APPL2: variants seen among roughly 807,000 people sequenced by gnomAD.
APPL2 encodes DCC-interacting protein 13-beta.
A neutral mutation model predicts 92.7 loss-of-function variants in APPL2; 84 were observed. That is an observed-to-expected ratio of 0.91 (90% CI 0.76 to 1.09). The LOEUF (loss-of-function observed/expected upper bound fraction) is 1.09, where lower values mean the gene tolerates loss of function less well. APPL2 is among the 50% of genes least tolerant of loss of function. APPL2 has a pLI of 0.00. For synonymous variants in APPL2, 291 were observed against 291.0 expected, an observed-to-expected ratio of 1.00 and a Z score of 0.00; for missense variants, 736 against 824.5, an observed-to-expected ratio of 0.89 and a Z score of 1.31.
chr12:105,197,891 A>G lies in APPL2; in HGVS notation c.926T>C (p.Leu309Pro). 1 of 1,614,088 alleles carries G rather than the reference A, an allele frequency of 6.2e-7. No homozygotes were observed. Among genetic ancestry groups the G allele is most frequent in the Non-Finnish European group, 8.5e-7 (1 of 1,180,004 alleles). ...RLYFFTQGGN[L>P]MCQPRGAVAG... Reference sequence around the variant, plus strand: ...CACGGCTCCCCTGGGCTGACACATGAGATTCCCGCCTTGGGTGAAGAAATA... The same window carrying G: ...CACGGCTCCCCTGGGCTGACACATGGGATTCCCGCCTTGGGTGAAGAAATA... Residue 309 changes from leucine to proline, a missense_variant, in exon 11 of 21, where the codon CTC becomes CCC. By Grantham distance (98) the Leu-to-Pro change is moderately conservative. Coordinates refer to ENST00000258530, the MANE Select transcript of APPL2 (RefSeq NM_018171.5).
chr12:105,235,530 GACA>G (rs1267255055), intron 1 of APPL2, among the ~76,000 whole-genome samples: 2 of 152,196 alleles, frequency 1.3e-5, no homozygotes, highest in African/African-American at 4.8e-5. Context: ...ATTGTCTGCT[GACA>G]ACTTTACAGG....
chr12:105,223,733 T>C (rs1890294384), intron 2 of APPL2, among the ~76,000 whole-genome samples: 2 of 152,338 alleles, frequency 1.3e-5, no homozygotes, highest in South Asian at 4.1e-4. Flanking sequence ...TTAACCCAAA[T>C]AGCAGTGCCA....
Position 105,225,834 on chromosome 12 carries a change from T to C in APPL2, c.153+3291A>G, listed in dbSNP as rs374108082. On this transcript the variant is annotated intron_variant, in intron 2 of 20. Transcript: ENST00000258530. ...CATAGAAGTTTTCCTCTAGTTTTTC[T>C]TGTTCTTCCTCTTTCTAAAACTAAG... Among the ~76,000 whole-genome samples the C allele has an allele frequency of 7.2e-5, 11 of 152,390 alleles. No individual in the cohort carries two copies. The South Asian group carries it at 2.3e-3, about 32-fold the overall frequency.
intron 8 of APPL2, 98 bp downstream of exon 8, chr12:105,206,963 T>A: frequency 1.4e-6 from 2 of 1,447,812 alleles, no homozygotes; most frequent in Admixed American, 4.7e-5. Flanking sequence ...TGCATTTATG[T>A]TTCTTTCTAC....
chr12:105,218,380 T>C (rs1889854458), intron 2 of APPL2, among the ~76,000 whole-genome samples: 1 of 152,222 alleles, frequency 6.6e-6, no homozygotes, highest in South Asian at 2.1e-4. Flanking sequence ...ACAGTCCCTG[T>C]CCTCATGGGG....
intron 11 of APPL2, among the ~76,000 whole-genome samples, chr12:105,196,364 G>A (rs1592782295): frequency 6.6e-6 from 1 of 150,774 alleles, no homozygotes; most frequent in Non-Finnish European, 1.5e-5. Flanking sequence ...AGTCTGCTGC[G>A]TATGGAGGCC....
chr12:105,176,064 A>C lies in APPL2; in HGVS notation c.1831T>G (p.Leu611Val). 1 of 1,591,368 alleles carries C rather than the reference A, an allele frequency of 6.3e-7. No homozygotes were observed. The highest frequency in any genetic ancestry group is 8.5e-7 in the Non-Finnish European group (1 of 1,172,534). The change falls in exon 20 of 21, where the codon TTG (leucine) becomes GTG (valine). Residue 611 changes from leucine (L) to valine (V), a missense_variant. Coordinates refer to ENST00000258530, the MANE Select transcript of APPL2 (RefSeq NM_018171.5). ...TGAACCTCAATAATTTCTTTTCCCA[A>C]ATTAATAGCATAACATATCTGCAAA... ...EGEKICYAIN[L>V]GKEIIEVQKD...
chr12:105,207,392 T>C lies in APPL2; in HGVS notation c.475-185A>G, dbSNP rs190357041. Among the ~76,000 whole-genome samples the C allele has an allele frequency of 2.0e-5, 3 of 152,326 alleles. No homozygotes were observed. In the East Asian group the frequency reaches 5.8e-4, roughly 29 times the overall value. On this transcript the variant is annotated intron_variant, in intron 7 of 20. Transcript: ENST00000258530. ...AATTAAAAATATGCAAGAAACAGCA[T>C]CTCAGTGCTTGTGAGGCCGCGGTGA...
chr12:105,178,941 G>T lies in APPL2; in HGVS notation c.1635-1679C>A, dbSNP rs538296824. On this transcript the variant is annotated intron_variant, in intron 17 of 20. Coordinates refer to ENST00000258530, the MANE Select transcript of APPL2 (RefSeq NM_018171.5). ...AAACTTAACACATGCATATTTTGTG[G>T]GTCACTTTCAGAAGTTTGCTGTTTA... Among the ~76,000 whole-genome samples, 7 of 152,128 alleles carry T rather than the reference G, an allele frequency of 4.6e-5. No individual in the cohort carries two copies. The South Asian group carries it at 1.5e-3, about 32-fold the overall frequency.
intron 4 of APPL2, among the ~76,000 whole-genome samples, chr12:105,216,082 G>A: frequency 6.6e-6 from 1 of 152,172 alleles, no homozygotes; most frequent in South Asian, 2.1e-4. Flanking sequence ...GCAGAGTTCT[G>A]TCCAGCACTA....
At chr12:105,186,644 T>C (rs1011770845) in intron 17 of APPL2, among the ~76,000 whole-genome samples, 18 of 62,422 alleles carry the variant, frequency 2.9e-4, no homozygotes, top group African/African-American at 4.2e-4. Context: ...ATCATATATA[T>C]GATATCGATA....
intron 11 of APPL2, among the ~76,000 whole-genome samples, chr12:105,196,425 CTTTTTTTTTTTTTTTTTTTT>C (rs59820038): frequency 1.2e-5 from 1 of 83,812 alleles, no homozygotes; most frequent in Non-Finnish European, 2.3e-5. Context: ...GGCGTTAACT[CTTTTTTTTTTTTTTTTTTTT>C]TTTTTTTTGA....
intron 1 of APPL2, chr12:105,229,788 C>CT (rs869281855): frequency 3.8e-6 from 3 of 786,060 alleles, no homozygotes; most frequent in Non-Finnish European, 4.7e-6. Context: ...TTCTTTCTTT[C>CT]TTTTTTTGAG....
At chr12:105,208,332 C>T in intron 5 of APPL2, 133 bp from the exon 6 acceptor site, 2 of 1,071,168 alleles carry the variant, frequency 1.9e-6, no homozygotes, top group South Asian at 1.4e-5. Flanking sequence ...CCCTGGCTCT[C>T]ACAGGCTGGC....
chr12:105,232,913 AG>A (rs1891026117), intron 1 of APPL2, among the ~76,000 whole-genome samples: 1 of 152,242 alleles, frequency 6.6e-6, no homozygotes, highest in Admixed American at 6.5e-5. Flanking sequence ...GAGGAAAGAA[AG>A]GCCTGATTTG....
chr12:105,174,311 G>A lies in APPL2; in HGVS notation c.*3C>T, dbSNP rs769568029. 19 of 1,613,480 alleles carry A rather than the reference G, an allele frequency of 1.2e-5. No individual in the cohort carries two copies. The Admixed American group carries it at 1.8e-4, about 16-fold the overall frequency. Reference sequence around the variant, plus strand: ...TTGCTCTTCCCCCACAGGCGCAAGTGAGTTATGCTTCGGATTCTGCGCCTC... The same window carrying A: ...TTGCTCTTCCCCCACAGGCGCAAGTAAGTTATGCTTCGGATTCTGCGCCTC... On this transcript the variant is annotated 3_prime_UTR_variant, in exon 21 of 21. Coordinates refer to ENST00000258530, the MANE Select transcript of APPL2 (RefSeq NM_018171.5).
chr12:105,234,385 G>A (rs543628458), intron 1 of APPL2, among the ~76,000 whole-genome samples: 34 of 152,340 alleles, frequency 2.2e-4, no homozygotes, highest in Admixed American at 3.3e-4. Flanking sequence ...CTAAGTGAGC[G>A]TGAGAGCCAG....
At chr12:105,205,609 C>T (rs555252989) in intron 8 of APPL2, among the ~76,000 whole-genome samples, 139 of 152,350 alleles carry the variant, frequency 9.1e-4, no homozygotes, top group Middle Eastern at 3.4e-3. Flanking sequence ...ACTGACCGAT[C>T]AGGACCAGAG....
At chr12:105,176,410 A>T (rs1885548896) in intron 19 of APPL2, 1 of 470,806 alleles carries the variant, frequency 2.1e-6, no homozygotes, top group Non-Finnish European at 3.7e-6. Context: ...TGGCAAACAG[A>T]TAATTTACTG....
Sources: allele counts gnomAD v4.1 joint callset (sites outside exome capture counted in the v4.1 genomes callset), GRCh38; gene constraint gnomAD v4.1.1; transcripts MANE v1.5; gene names NCBI Gene and HGNC (gene_info 2026-07-23, HGNC 2026-07-21).